The following ATP11B variants were observed in gnomAD, a reference collection of about 807,000 sequenced individuals.
ATP11B encodes ATPase phospholipid transporting 11B (putative).
Under a neutral mutation model 157.8 loss-of-function variants are expected in ATP11B, and 81 were observed. The ratio of observed to expected loss-of-function variants is 0.51; its 90% CI spans 0.43 to 0.62. The LOEUF is 0.62. Among genes scored for constraint, ATP11B ranks in the 20% least tolerant of loss-of-function variants. The pLI is 0.00. For synonymous variants in ATP11B, 451 were observed against 469.4 expected, an observed-to-expected ratio of 0.96 and a Z score of 0.51; for missense variants, 1,165 against 1,402.2, an observed-to-expected ratio of 0.83 and a Z score of 2.70.
Position 182,806,372 on chromosome 3 carries a change from G to T in ATP11B, c.27+12586G>T, listed in dbSNP as rs566359370. Among the ~76,000 whole-genome samples, 9 of 152,082 alleles carry T rather than the reference G, an allele frequency of 5.9e-5. No individual in the cohort carries two copies. In the East Asian group the frequency reaches 1.5e-3, roughly 26 times the overall value. On this transcript the variant is annotated intron_variant, in intron 1 of 29. Transcript: ENST00000323116. ...ATTGTTTTTCCTGCTCTGCATTTGC[G>T]TGTGCTTTCAATCTGAAGACTATAC...
At chr3:182,886,875 A>G (rs1387060418) in intron 23 of ATP11B, among the ~76,000 whole-genome samples, 2 of 152,168 alleles carry the variant, frequency 1.3e-5, no homozygotes, top group East Asian at 3.8e-4. Context: ...TAAATTCCAA[A>G]TATTTGCTTG....
At chr3:182,915,202 C>G in intron 29 of ATP11B, 18 of 985,326 alleles carry the variant, frequency 1.8e-5, no homozygotes, top group Non-Finnish European at 2.2e-5. Context: ...TTAGCTTAGC[C>G]ATGCCTTTAT....
intron 22 of ATP11B, 61 bp downstream of exon 22, chr3:182,884,959 AATGTT>A (rs1297444664): frequency 1.1e-5 from 11 of 996,634 alleles, no homozygotes; most frequent in Middle Eastern, 3.0e-4. Context: ...CAATTTAAGG[AATGTT>A]ATAACCTTAT....
chr3:182,900,370 C>G (rs993581328), intron 28 of ATP11B, among the ~76,000 whole-genome samples: 1 of 152,144 alleles, frequency 6.6e-6, no homozygotes, highest in Non-Finnish European at 1.5e-5. Context: ...CACACTGAGC[C>G]TGTATATAGT....
chr3:182,901,576 G>A (rs1723971320), intron 28 of ATP11B, among the ~76,000 whole-genome samples: 1 of 152,122 alleles, frequency 6.6e-6, no homozygotes, highest in African/African-American at 2.4e-5. Flanking sequence ...TCAGATTGGA[G>A]ATACTCAACC....
intron 10 of ATP11B, among the ~76,000 whole-genome samples, chr3:182,855,612 A>T (rs1720334175): frequency 6.6e-6 from 1 of 152,174 alleles, no homozygotes; most frequent in Non-Finnish European, 1.5e-5. Flanking sequence ...GGGGAAAAAT[A>T]CTTGCAAACC....
chr3:182,867,484 G>C lies in ATP11B; in HGVS notation c.1688+40G>C, dbSNP rs773977143. 16 of 1,307,006 alleles carry C rather than the reference G, an allele frequency of 1.2e-5. No homozygotes were observed. The South Asian group carries it at 1.9e-4, about 15-fold the overall frequency. 81.0% of individuals were successfully genotyped at this position (1,307,006 alleles called of 1,614,324 possible). A position where few individuals can be genotyped will look rare whatever the true frequency, so the allele number is the denominator to read the frequency against. On this transcript the variant is annotated intron_variant, in intron 15 of 29. Coordinates refer to ENST00000323116, the MANE Select transcript of ATP11B (RefSeq NM_014616.3). ...TATATTGGAATGTTTTCTGTGTTAAGTGTATATAGTATAGAATAAGGATCA... is the reference window on the plus strand; with the variant it reads ...TATATTGGAATGTTTTCTGTGTTAACTGTATATAGTATAGAATAAGGATCA...
chr3:182,881,929 T>C (rs1722455171), intron 21 of ATP11B, among the ~76,000 whole-genome samples: 1 of 152,332 alleles, frequency 6.6e-6, no homozygotes, highest in South Asian at 2.1e-4. Context: ...TTTAATAACC[T>C]TTATCCTTAT....
At chr3:182,799,861 C>T (rs1461908611) in intron 1 of ATP11B, among the ~76,000 whole-genome samples, 1 of 152,000 alleles carries the variant, frequency 6.6e-6, no homozygotes, top group Non-Finnish European at 1.5e-5. Context: ...AACCTGTAAC[C>T]TCGGCACTTT....
intron 20 of ATP11B, 98 bp downstream of exon 20, chr3:182,879,747 A>G: frequency 8.9e-7 from 1 of 1,117,764 alleles, no homozygotes; most frequent in Non-Finnish European, 1.2e-6. Flanking sequence ...GGTGATGTGC[A>G]ATATATACAT....
Position 182,918,551 on chromosome 3 carries a change from TAG to T in ATP11B, c.*450_*451del, listed in dbSNP as rs1725280385. ...TGCCTTGAGAACTCTATTTTTTTAT[TAG>T]AGTTATATTTAAAGCTTTTCATGGG... On this transcript the variant is annotated 3_prime_UTR_variant, in exon 30 of 30. Coordinates refer to ENST00000323116, the MANE Select transcript of ATP11B (RefSeq NM_014616.3). 7.6e-6 allele frequency: 3 copies of T among 393,104 alleles called. No homozygotes were observed. The highest frequency in any genetic ancestry group is 2.9e-4 in the South Asian group (2 of 7,004). The allele number at this position is 393,104 out of a possible 1,614,324, so 24.4% of individuals were successfully genotyped here.
intron 12 of ATP11B, among the ~76,000 whole-genome samples, 168 bp from the exon 13 acceptor site, chr3:182,865,288 G>A (rs1441654688): frequency 1.3e-5 from 2 of 152,054 alleles, no homozygotes; most frequent in African/African-American, 4.8e-5. Context: ...TCTTTCCTTG[G>A]CATCTATATT....
At chr3:182,866,085 C>G (rs1721211119) in intron 13 of ATP11B, among the ~76,000 whole-genome samples, 183 bp from the exon 14 acceptor site, 1 of 152,276 alleles carries the variant, frequency 6.6e-6, no homozygotes, top group Non-Finnish European at 1.5e-5. Flanking sequence ...AAAAGATGCT[C>G]ACGTGTTGAA....
At chr3:182,831,483 T>C (rs1718136479) in intron 4 of ATP11B, among the ~76,000 whole-genome samples, 1 of 152,160 alleles carries the variant, frequency 6.6e-6, no homozygotes, top group Non-Finnish European at 1.5e-5. Context: ...TAGCTTTGCA[T>C]CACCACTTTG....
intron 17 of ATP11B, among the ~76,000 whole-genome samples, chr3:182,870,464 A>G (rs1721571750): frequency 6.6e-6 from 1 of 152,168 alleles, no homozygotes; most frequent in African/African-American, 2.4e-5. Context: ...TTTACCCACC[A>G]CATCGTAACA....
chr3:182,883,812 G>A (rs967062827), intron 21 of ATP11B, among the ~76,000 whole-genome samples: 7 of 150,350 alleles, frequency 4.7e-5, no homozygotes, highest in African/African-American at 1.2e-4. Flanking sequence ...AAAATTAGCC[G>A]GGCGTAGTGG....
chr3:182,909,166 G>A lies in ATP11B; in HGVS notation c.3319-4695G>A, dbSNP rs116679048. 5.0e-3 allele frequency among the ~76,000 whole-genome samples: 767 copies of A among 152,272 alleles called. 8 individuals carry two copies. Among genetic ancestry groups the A allele is most frequent in the African/African-American group, 0.017 (722 of 41,550 alleles). On this transcript the variant is annotated intron_variant, in intron 28 of 29. Transcript: ENST00000323116. ...GGTTTCAGGAAAATATTTTGTATAA[G>A]CAATAAGAAATGTCTTAGTGTTTAT...
intron 4 of ATP11B, among the ~76,000 whole-genome samples, chr3:182,831,813 A>G (rs973630148): frequency 4.6e-5 from 7 of 151,712 alleles, no homozygotes; most frequent in Admixed American, 2.0e-4. Flanking sequence ...CTTTTGTTCT[A>G]TTGATAAAAG....
intron 7 of ATP11B, 95 bp from the exon 8 acceptor site, chr3:182,841,980 A>AG (rs1719070620): frequency 4.6e-6 from 3 of 653,426 alleles, no homozygotes; most frequent in Non-Finnish European, 7.2e-6. Context: ...CTCGTCTCAA[A>AG]AAAAAAAAAA....
Sources: allele counts gnomAD v4.1 joint callset (sites outside exome capture counted in the v4.1 genomes callset), GRCh38; gene constraint gnomAD v4.1.1; transcripts MANE v1.5; gene names NCBI Gene and HGNC (gene_info 2026-07-23, HGNC 2026-07-21).